Variants in CACNA2D3 observed in about 807,000 individuals in gnomAD.
CACNA2D3 encodes the protein calcium voltage-gated channel auxiliary subunit alpha2delta 3.
In CACNA2D3, 60 loss-of-function variants were observed where a neutral mutation model predicts 160.6. The ratio of observed to expected loss-of-function variants is 0.37; its 90% CI spans 0.30 to 0.46. The LOEUF (loss-of-function observed/expected upper bound fraction) is 0.46. Ranked by LOEUF, CACNA2D3 falls within the 20% of genes least tolerant of loss-of-function variation. The pLI, the probability that CACNA2D3 is intolerant of heterozygous loss-of-function variation, is 1.00. For synonymous variants in CACNA2D3, 558 were observed against 492.9 expected (o/e 1.13, Z -1.75); for missense variants, 1,205 against 1,365.0 (o/e 0.88, Z 1.85).
chr3:54,374,679 G>A (rs1200786754), intron 3 of CACNA2D3, among the ~76,000 whole-genome samples: 1 of 152,106 alleles, frequency 6.6e-6, no homozygotes, highest in Non-Finnish European at 1.5e-5. Context: ...AGTGAGTAAG[G>A]GCACCAAGCT....
At chr3:54,210,564 T>A (rs944042917) in intron 2 of CACNA2D3, among the ~76,000 whole-genome samples, 1 of 152,144 alleles carries the variant, frequency 6.6e-6, no homozygotes, top group Non-Finnish European at 1.5e-5. Context: ...AGTTTCCTCA[T>A]CTGTTAGACA....
At chr3:54,154,041 A>G (rs1223099704) in intron 2 of CACNA2D3, among the ~76,000 whole-genome samples, 1 of 152,206 alleles carries the variant, frequency 6.6e-6, no homozygotes, top group Non-Finnish European at 1.5e-5. Context: ...GCTGCAAAAT[A>G]TGGGCATTTG....
At chr3:54,426,109 C>T (rs1359744363) in intron 4 of CACNA2D3, among the ~76,000 whole-genome samples, 1 of 152,174 alleles carries the variant, frequency 6.6e-6, no homozygotes, top group African/African-American at 2.4e-5. Context: ...AGATAGACGT[C>T]ATCTCTGGCT....
chr3:54,793,756 A>G (rs571646151), intron 13 of CACNA2D3, among the ~76,000 whole-genome samples: 3 of 152,254 alleles, frequency 2.0e-5, no homozygotes, highest in Non-Finnish European at 4.4e-5. Context: ...ATGAGTTGGG[A>G]TGTATTTCCT....
intron 2 of CACNA2D3, among the ~76,000 whole-genome samples, chr3:54,302,916 A>T (rs776529118): frequency 4.0e-5 from 6 of 151,756 alleles, no homozygotes; most frequent in Non-Finnish European, 5.9e-5. Flanking sequence ...ATTCATCTTC[A>T]TGCTGCTTTT....
intron 11 of CACNA2D3, among the ~76,000 whole-genome samples, chr3:54,693,886 T>G (rs1355270939): frequency 2.6e-5 from 4 of 152,220 alleles, no homozygotes; most frequent in Non-Finnish European, 4.4e-5. Context: ...GTTTATATTT[T>G]AAGTCATGTT....
In CACNA2D3 at chr3:54,246,291, C is replaced by T. The variant is rs117490587; in HGVS notation, c.205-74151C>T. On this transcript the variant is annotated intron_variant, in intron 2 of 37. Transcript: ENST00000474759. The stretch of plus-strand genomic sequence containing the variant: ...GATAGGTTCCTCTATTTTCTTTTTG[C>T]TTACATTGTTTTGTAAAGTCTGATC... Among the ~76,000 whole-genome samples the T allele has an allele frequency of 5.0e-3, 760 of 152,270 alleles. 13 individuals are homozygous for T. In the East Asian group the frequency reaches 0.056, roughly 11 times the overall value.
chr3:55,043,008 A>T (rs1225529038), intron 35 of CACNA2D3, among the ~76,000 whole-genome samples: 1 of 152,222 alleles, frequency 6.6e-6, no homozygotes, highest in East Asian at 1.9e-4. Flanking sequence ...ATTATCCAGT[A>T]GAAGGACATT....
At chr3:54,832,011 TCACACA>T (rs60020847) in intron 14 of CACNA2D3, among the ~76,000 whole-genome samples, 5,844 of 118,908 alleles carry the variant, frequency 0.049, 287 homozygotes, top group Middle Eastern at 0.077. Context: ...CTCTTCTCTG[TCACACA>T]CACACACACA....
chr3:54,679,183 T>G (rs1236940743), intron 11 of CACNA2D3, among the ~76,000 whole-genome samples: 5 of 152,306 alleles, frequency 3.3e-5, no homozygotes, highest in Non-Finnish European at 7.4e-5. Flanking sequence ...AGGGCTCCCT[T>G]AGGCTCCATA....
At chr3:54,358,124 A>C (rs1259541074) in intron 3 of CACNA2D3, among the ~76,000 whole-genome samples, 1 of 152,138 alleles carries the variant, frequency 6.6e-6, no homozygotes, top group Admixed American at 6.5e-5. Flanking sequence ...AGAATATGGG[A>C]AATTGTGTGT....
chr3:54,840,376 C>G (rs1165737901), intron 16 of CACNA2D3, among the ~76,000 whole-genome samples: 1 of 149,130 alleles, frequency 6.7e-6, no homozygotes, highest in Non-Finnish European at 1.5e-5. Context: ...TGCCAAATCT[C>G]ACATCTTGCA....
At chr3:54,406,320 T>G (rs891137860) in intron 4 of CACNA2D3, among the ~76,000 whole-genome samples, 8 of 152,038 alleles carry the variant, frequency 5.3e-5, no homozygotes, top group African/African-American at 1.9e-4. Flanking sequence ...GACTAATGGA[T>G]AAAGAAACTG....
At chr3:54,213,292 A>G (rs896275486) in intron 2 of CACNA2D3, among the ~76,000 whole-genome samples, 1 of 152,238 alleles carries the variant, frequency 6.6e-6, no homozygotes, top group Non-Finnish European at 1.5e-5. Flanking sequence ...TAGAAATAAG[A>G]AAACCTCTTT....
At chr3:54,771,981 A>T (rs182841832) in intron 13 of CACNA2D3, among the ~76,000 whole-genome samples, 1 of 152,160 alleles carries the variant, frequency 6.6e-6, no homozygotes, top group East Asian at 1.9e-4. Context: ...TCCATTCTTC[A>T]TCATAACATT....
At chr3:54,583,351 A>G (rs955462408) in intron 9 of CACNA2D3, among the ~76,000 whole-genome samples, 4 of 152,200 alleles carry the variant, frequency 2.6e-5, no homozygotes, top group African/African-American at 4.8e-5. Flanking sequence ...ATTATTCTAA[A>G]TTGCCTTTGA....
chr3:55,033,752 A>G (rs1003202777), intron 35 of CACNA2D3, among the ~76,000 whole-genome samples: 46 of 107,740 alleles, frequency 4.3e-4, no homozygotes, highest in South Asian at 1.4e-3. Flanking sequence ...TATATATTAT[A>G]TTAAATATAT....
chr3:54,711,753 G>A (rs1310517645), intron 11 of CACNA2D3, among the ~76,000 whole-genome samples: 1 of 152,228 alleles, frequency 6.6e-6, no homozygotes, highest in African/African-American at 2.4e-5. Flanking sequence ...ATGATGTTAG[G>A]TAGACAGTTG....
chr3:54,651,778 C>T (rs901598797), intron 11 of CACNA2D3, among the ~76,000 whole-genome samples: 7 of 152,096 alleles, frequency 4.6e-5, no homozygotes, highest in African/African-American at 1.4e-4. Flanking sequence ...TTAGCTTTAC[C>T]GTGGCGCCTC....
Sources: gnomAD v4.1 joint callset for allele counts (sites outside exome capture counted in the v4.1 genomes callset) on GRCh38, gnomAD v4.1.1 for gene constraint, MANE v1.5 for transcripts, NCBI Gene and HGNC (gene_info 2026-07-23, HGNC 2026-07-21) for gene names.